DCAKD: variants seen among roughly 807,000 people sequenced by gnomAD.
DCAKD encodes the protein dephospho-CoA kinase domain containing, also known as dephospho-CoA kinase domain-containing protein.
A neutral mutation model predicts 18.7 loss-of-function variants in DCAKD; 15 were observed. That is an observed-to-expected ratio of 0.80 (90% CI 0.54 to 1.24). The LOEUF is 1.24. Ranked by LOEUF, DCAKD falls within the 50% of genes most tolerant of loss-of-function variation. The probability of loss-of-function intolerance (pLI) is 0.00; values close to 1 mark genes in which losing one functional copy is unlikely to be tolerated. For synonymous variants in DCAKD, 130 were observed against 133.0 expected, an observed-to-expected ratio of 0.98 and a Z score of 0.16; for missense variants, 301 against 322.0, an observed-to-expected ratio of 0.93 and a Z score of 0.50.
chr17:45,056,155 C>CA (rs60557987), upstream of DCAKD, among the ~76,000 whole-genome samples: 2,154 of 127,952 alleles, frequency 0.017, 34 homozygotes, highest in Non-Finnish European at 0.018. Flanking sequence ...AGCTCCGTCT[C>CA]AAAAAAAAAA....
At chr17:45,037,776 T>C (rs889892873) in intron 1 of DCAKD, among the ~76,000 whole-genome samples, 3 of 149,992 alleles carry the variant, frequency 2.0e-5, no homozygotes, top group African/African-American at 4.9e-5. Flanking sequence ...GCTTTTTTTT[T>C]TTTTTTTTGA....
At chr17:45,058,565 G>A (rs1036797925) in intron 1 of DCAKD, among the ~76,000 whole-genome samples, 1 of 151,788 alleles carries the variant, frequency 6.6e-6, no homozygotes, top group Non-Finnish European at 1.5e-5. Context: ...GATTATAGGC[G>A]CCCACCACTA....
intron 4 of DCAKD, among the ~76,000 whole-genome samples, chr17:45,025,926 A>AT (rs566878595): frequency 0.18 from 22,308 of 126,226 alleles, 1,956 homozygotes; most frequent in Middle Eastern, 0.26. Flanking sequence ...TAATTTTTGT[A>AT]TTTTTTTTTT....
At position 45,034,168 on chromosome 17, in the gene DCAKD, C is replaced by A; in HGVS notation, c.316+19G>T. 1 of 1,528,516 alleles carries A rather than the reference C, an allele frequency of 6.5e-7. No homozygotes were observed. The highest frequency in any genetic ancestry group is 1.1e-5 in the South Asian group (1 of 88,844). 94.7% of individuals were successfully genotyped at this position (1,528,516 alleles called of 1,614,324 possible). On this transcript the variant is annotated intron_variant, in intron 3 of 4. Transcript: ENST00000651974. ...CCTGGAAGGAGGCCCCGCCCCCCGC[C>A]CCAGGCCCTGGCACTTACCCCGGAG... is the stretch of plus-strand genomic sequence containing the variant.
rs888207010 is a variant in DCAKD, at chr17:45,024,379, T to C, written c.*54A>G. ...AGGAAACAGGATGTGTTACCTGGCT[T>C]CAGCCTCCAAGGAGATAGATGGAGG... On this transcript the variant is annotated 3_prime_UTR_variant, in exon 5 of 5. Coordinates refer to ENST00000651974, the MANE Select transcript of DCAKD (RefSeq NM_001288655.2). 2.6e-6 allele frequency: 4 copies of C among 1,535,520 alleles called. No individual in the cohort carries two copies. In the African/African-American group the frequency reaches 5.5e-5, roughly 21 times the overall value.
At chr17:45,042,846 C>T (rs1297196037) in intron 1 of DCAKD, among the ~76,000 whole-genome samples, 2 of 152,172 alleles carry the variant, frequency 1.3e-5, no homozygotes, top group Non-Finnish European at 2.9e-5. Flanking sequence ...AAGGAGCTGG[C>T]GTCTGCCTCC....
chr17:45,028,155 C>T (rs2053096509), intron 4 of DCAKD, among the ~76,000 whole-genome samples: 1 of 149,990 alleles, frequency 6.7e-6, no homozygotes, highest in Non-Finnish European at 1.5e-5. Flanking sequence ...GTCGCCCAGG[C>T]TGGAGTGCAG....
At chr17:45,030,626 G>GAA (rs764004702) in intron 3 of DCAKD, among the ~76,000 whole-genome samples, 1 of 152,182 alleles carries the variant, frequency 6.6e-6, no homozygotes, top group African/African-American at 2.4e-5. Context: ...TTATTTCTCA[G>GAA]AAACAAACAA....
intron 4 of DCAKD, among the ~76,000 whole-genome samples, chr17:45,028,710 T>TCTAAGATCCTTTAAAAAAAA (rs1212384361): frequency 6.7e-6 from 1 of 149,004 alleles, no homozygotes; most frequent in African/African-American, 2.5e-5. Flanking sequence ...GCACCCAGCC[T>TCTAAGATCCTTTAAAAAAAA]TTTTTTTGAG....
intron 1 of DCAKD, among the ~76,000 whole-genome samples, chr17:45,040,109 C>CG (rs2053397507): frequency 6.7e-6 from 1 of 148,394 alleles, no homozygotes; most frequent in Non-Finnish European, 1.5e-5. Flanking sequence ...AAAAAAAGGC[C>CG]GGGTGTGGTG....
chr17:45,041,988 T>C (rs1156589254), intron 1 of DCAKD, among the ~76,000 whole-genome samples: 3 of 151,394 alleles, frequency 2.0e-5, no homozygotes, highest in Non-Finnish European at 4.4e-5. Context: ...TGATGGCATA[T>C]GTCTGTAGTC....
chr17:45,034,966 T>G lies in DCAKD; in HGVS notation c.-81A>C. ...TGGAGAGCAGGGCAAGTGTGGCCGATGGGGGCGGTCCACCAGAGGAGTGCC... is the reference window on the plus strand; with the variant it reads ...TGGAGAGCAGGGCAAGTGTGGCCGAGGGGGGCGGTCCACCAGAGGAGTGCC... On this transcript the variant is annotated 5_prime_UTR_variant, in exon 2 of 5. Transcript: ENST00000651974. 1 of 1,467,508 alleles carries G rather than the reference T, an allele frequency of 6.8e-7. No homozygotes were observed. The highest frequency in any genetic ancestry group is 9.4e-7 in the Non-Finnish European group (1 of 1,063,320). The allele number at this position is 1,467,508 out of a possible 1,614,324, so 90.9% of individuals were successfully genotyped here.
chr17:45,060,541 A>G (rs2053838843), intron 1 of DCAKD, among the ~76,000 whole-genome samples: 1 of 152,156 alleles, frequency 6.6e-6, no homozygotes, highest in African/African-American at 2.4e-5. Flanking sequence ...GAAAGAAAAG[A>G]AAAGAAAAAA....
At chr17:45,048,018 T>C (rs1233624747) in intron 1 of DCAKD, among the ~76,000 whole-genome samples, 1 of 152,148 alleles carries the variant, frequency 6.6e-6, no homozygotes. Flanking sequence ...GATAACACAA[T>C]TTTAAAAAAG....
chr17:45,045,951 G>A (rs576958562), intron 1 of DCAKD, among the ~76,000 whole-genome samples: 9 of 151,782 alleles, frequency 5.9e-5, no homozygotes, highest in East Asian at 2.0e-4. Context: ...TCAGCCTCCC[G>A]AGTAGCTGGA....
In DCAKD at chr17:45,024,255, GCA is replaced by G; in HGVS notation, c.*176_*177del. On this transcript the variant is annotated 3_prime_UTR_variant, in exon 5 of 5. Coordinates refer to ENST00000651974, the MANE Select transcript of DCAKD (RefSeq NM_001288655.2). ...TACACTCCAAAGACGGGATGGCCTG[GCA>G]CAGAGGCCCAGCCCTGATTCGGAGA... 1 of 804,574 alleles carries G rather than the reference GCA, an allele frequency of 1.2e-6. No homozygotes were observed. The highest frequency in any genetic ancestry group is 1.9e-6 in the Non-Finnish European group (1 of 533,100). 49.8% of individuals were successfully genotyped at this position (804,574 alleles called of 1,614,324 possible).
At position 45,024,699 on chromosome 17, in the gene DCAKD, G is replaced by T; in HGVS notation, c.430C>A (p.Leu144Met). The T allele has an allele frequency of 1.9e-6, 3 of 1,589,524 alleles. No homozygotes were observed. Among genetic ancestry groups the T allele is most frequent in the Non-Finnish European group, 2.6e-6 (3 of 1,162,734 alleles). The change falls in exon 5 of 5, where the codon CTG becomes ATG. Residue 144 changes from leucine to methionine, a missense_variant. By Grantham distance (15) the Leu-to-Met change is conservative. Transcript: ENST00000651974. The part of the protein sequence containing the change: ...YCDRDTQLAR[L>M]MRRNSLNRKD... Reference sequence around the variant, plus strand: ...CGGTTCAGGCTGTTCCGCCGCATCAGCCGTGCCAGCTGTGTGTCCCGGTCG... The same window carrying T: ...CGGTTCAGGCTGTTCCGCCGCATCATCCGTGCCAGCTGTGTGTCCCGGTCG...
At chr17:45,039,812 T>C (rs1298808552) in intron 1 of DCAKD, among the ~76,000 whole-genome samples, 3 of 151,932 alleles carry the variant, frequency 2.0e-5, no homozygotes, top group African/African-American at 4.8e-5. Context: ...CTCCTGGGAG[T>C]GGTGAATAAA....
At chr17:45,042,483 C>T (rs1567843724) in intron 1 of DCAKD, among the ~76,000 whole-genome samples, 2 of 152,228 alleles carry the variant, frequency 1.3e-5, no homozygotes, top group Non-Finnish European at 2.9e-5. Flanking sequence ...GTCCTCCTCC[C>T]CTTGCCGCCT....
Sources: gnomAD v4.1 joint callset for allele counts (sites outside exome capture counted in the v4.1 genomes callset) on GRCh38, gnomAD v4.1.1 for gene constraint, MANE v1.5 for transcripts, NCBI Gene and HGNC (gene_info 2026-07-23, HGNC 2026-07-21) for gene names.